HOMEZ: variants seen among roughly 807,000 people sequenced by gnomAD.
HOMEZ encodes homeobox and leucine zipper protein Homez.
Under a neutral mutation model 50.1 loss-of-function variants are expected in HOMEZ, and 20 were observed. The ratio of observed to expected loss-of-function variants is 0.40; its 90% CI spans 0.28 to 0.58. HOMEZ has a LOEUF of 0.58. Among genes scored for constraint, HOMEZ ranks in the 20% least tolerant of loss-of-function variants. The pLI is 0.46. For missense variants in HOMEZ, 579 were observed against 680.5 expected, an observed-to-expected ratio of 0.85 and a Z score of 1.66; for synonymous variants, 239 against 254.7, an observed-to-expected ratio of 0.94 and a Z score of 0.59.
chr14:23,281,170 A>T (rs535593187), intron 1 of HOMEZ, among the ~76,000 whole-genome samples: 2 of 152,296 alleles, frequency 1.3e-5, no homozygotes, highest in South Asian at 2.1e-4. Flanking sequence ...CCTCAAGTCC[A>T]TACATTTAGA....
At chr14:23,280,750 T>TTTATTTTATTTTATTTTA (rs1566451243) in intron 1 of HOMEZ, among the ~76,000 whole-genome samples, 9 of 87,296 alleles carry the variant, frequency 1.0e-4, no homozygotes, top group Non-Finnish European at 1.9e-4. Flanking sequence ...ATTATTTTAT[T>TTTATTTTATTTTATTTTA]TTATTTTATT....
intron 1 of HOMEZ, among the ~76,000 whole-genome samples, chr14:23,277,991 G>A (rs1399957004): frequency 1.3e-5 from 2 of 151,816 alleles, no homozygotes; most frequent in Non-Finnish European, 2.9e-5. Context: ...ACCACGCCCG[G>A]CTACTTTTTG....
chr14:23,280,732 T>TA (rs1462188573), intron 1 of HOMEZ, among the ~76,000 whole-genome samples: 1 of 77,722 alleles, frequency 1.3e-5, no homozygotes, highest in Non-Finnish European at 2.5e-5. Context: ...TTTATTTTAT[T>TA]TTATTTTATT....
At position 23,277,153 on chromosome 14, in the gene HOMEZ, C is replaced by G. The variant is rs753076017; in HGVS notation, c.75G>C (p.Met25Ile). 3 of 1,604,186 alleles carry G rather than the reference C, an allele frequency of 1.9e-6. No individual in the cohort carries two copies. The highest frequency in any genetic ancestry group is 2.2e-5 in the East Asian group (1 of 44,646). ...ISEGHKSEGT[M>I]PPNKEASGLS... ...GACCGCTGGCCTCTTTATTAGGAGG[C>G]ATGGTGCCTTCTGATTTGTGCCCTT... Residue 25 changes from methionine (M) to isoleucine (I), a missense_variant, in exon 2 of 2, where the codon ATG becomes ATC. By Grantham distance (10) the Met-to-Ile change is conservative (BLOSUM62 1). Transcript: ENST00000357460.
chr14:23,273,703 C>G lies in HOMEZ; in HGVS notation c.*1872G>C, dbSNP rs1016312085. ...AATGATCTTGTATCTGAACTAGGAT[C>G]CCCATACCCTTTCTGGTACTCTGAA... On this transcript the variant is annotated 3_prime_UTR_variant, in exon 2 of 2. Transcript: ENST00000357460. 1.3e-5 allele frequency: 2 copies of G among 152,194 alleles called. No individual in the cohort carries two copies. The highest frequency in any genetic ancestry group is 4.8e-5 in the African/African-American group (2 of 41,452). 9.4% of individuals were successfully genotyped at this position (152,194 alleles called of 1,614,324 possible). A position where few individuals can be genotyped will look rare whatever the true frequency, so the allele number is the denominator to read the frequency against.
chr14:23,285,790 AAGAG>A (rs980105100), intron 1 of HOMEZ, 119 bp downstream of exon 1: 15 of 512,208 alleles, frequency 2.9e-5, no homozygotes, highest in African/African-American at 2.6e-4. Flanking sequence ...GAGGAGAAAA[AAGAG>A]AGAACCGGGC....
At position 23,276,450 on chromosome 14, in the gene HOMEZ, G is replaced by T. The variant is rs774260897; in HGVS notation, c.778C>A (p.Arg260=). 2 of 1,614,074 alleles carry T rather than the reference G, an allele frequency of 1.2e-6. No individual in the cohort carries two copies. Among genetic ancestry groups the T allele is most frequent in the South Asian group, 1.1e-5 (1 of 91,092 alleles). ...HSTTVPQPQA[R]DKPPPIALIA... ...AATGCAATTGGTGGGGGTTTATCCC[G>T]AGCTTGTGGCTGGGGGACGGTTGTG... Residue 260 remains arginine, a synonymous_variant, in exon 2 of 2, where the codon CGG becomes AGG. Coordinates refer to ENST00000357460, the MANE Select transcript of HOMEZ (RefSeq NM_020834.3). The surrounding 1 kb of genome is among the most constrained non-coding windows in gnomAD (Gnocchi z 4.1).
intron 1 of HOMEZ, among the ~76,000 whole-genome samples, chr14:23,284,462 T>C (rs550982509): frequency 6.6e-6 from 1 of 152,362 alleles, no homozygotes; most frequent in African/African-American, 2.4e-5. Flanking sequence ...AGTAGGCTGC[T>C]ACTAGTGCGC....
In HOMEZ at chr14:23,273,071, G is replaced by T; in HGVS notation, c.*2504C>A. 2.4e-6 allele frequency: 1 copy of T among 413,280 alleles called. No homozygotes were observed. Among genetic ancestry groups the T allele is most frequent in the Non-Finnish European group, 4.3e-6 (1 of 232,976 alleles). The allele number at this position is 413,280 out of a possible 1,614,324, so 25.6% of individuals were successfully genotyped here. Reference sequence around the variant, plus strand: ...TTATCACCTCCCAGGACAGTGGTCAGGTCTTACAAAAGGCTAGTGCTTCAG... The same window carrying T: ...TTATCACCTCCCAGGACAGTGGTCATGTCTTACAAAAGGCTAGTGCTTCAG... On this transcript the variant is annotated 3_prime_UTR_variant, in exon 2 of 2. Transcript: ENST00000357460.
chr14:23,285,693 G>A (rs1023924251), intron 1 of HOMEZ: 3 of 396,868 alleles, frequency 7.6e-6, no homozygotes, highest in African/African-American at 6.2e-5. Flanking sequence ...CTCTCGCCAA[G>A]GGCGCCCCAA....
chr14:23,275,658 G>C lies in HOMEZ; in HGVS notation c.1570C>G (p.Leu524Val). Residue 524 changes from leucine (L) to valine (V), a missense_variant, in exon 2 of 2, where the codon CTG becomes GTG. Physicochemically the swap from Leu to Val is conservative, Grantham distance 32. Coordinates refer to ENST00000357460, the MANE Select transcript of HOMEZ (RefSeq NM_020834.3). ...TCCTCTTCCTCATCATCTTCTGGCAGTTCTTCCTCCTCCTCTTCCTCTTCT... is the reference window on the plus strand; with the variant it reads ...TCCTCTTCCTCATCATCTTCTGGCACTTCTTCCTCCTCCTCTTCCTCTTCT... ...DEEEEEEEEE[L>V]PEDDEEEEEE... 1 of 1,569,240 alleles carries C rather than the reference G, an allele frequency of 6.4e-7. No individual in the cohort carries two copies. Among genetic ancestry groups the C allele is most frequent in the African/African-American group, 1.4e-5 (1 of 73,746 alleles).
Position 23,272,917 on chromosome 14 carries a change from ATGC to A in HOMEZ, c.*2655_*2657del. On this transcript the variant is annotated 3_prime_UTR_variant, in exon 2 of 2. Coordinates refer to ENST00000357460, the MANE Select transcript of HOMEZ (RefSeq NM_020834.3). ...ATCATCTTCAAGATCTGATCTATAC[ATGC>A]TGCTGAAGGATGGACTGTAGCTTCC... 1.4e-6 allele frequency: 2 copies of A among 1,379,364 alleles called. No homozygotes were observed. The highest frequency in any genetic ancestry group is 2.0e-6 in the Non-Finnish European group (2 of 1,006,038). The allele number at this position is 1,379,364 out of a possible 1,614,324, so 85.4% of individuals were successfully genotyped here.
In HOMEZ at chr14:23,276,994, G is replaced by T; in HGVS notation, c.234C>A (p.Pro78=). The T allele has an allele frequency of 6.2e-7, 1 of 1,614,046 alleles. No individual in the cohort carries two copies. Residue 78 remains proline (P), a synonymous_variant, in exon 2 of 2, where the codon CCC becomes CCA. Coordinates refer to ENST00000357460, the MANE Select transcript of HOMEZ (RefSeq NM_020834.3). This position sits in a 1 kb window ranked among gnomAD's most constrained non-coding sequence, Gnocchi z 4.1. ...GGGCAATGTCTGCTAGGCTGGGATA[G>T]GGAAAGTAGCTGAAGGTTTTGAGCA... ...EHLLKTFSYF[P]YPSLADIALL...
rs1468319243 is a variant in HOMEZ at position 23,275,679 on chromosome 14, C to T, written c.1549G>A (p.Glu517Lys). Residue 517 changes from glutamate to lysine, a missense_variant, in exon 2 of 2, where the codon GAG becomes AAG. Coordinates refer to ENST00000357460, the MANE Select transcript of HOMEZ (RefSeq NM_020834.3). Reference protein sequence around the residue: ...AEVVVCLDEEEEEEEEELPED... With the variant: ...AEVVVCLDEEKEEEEEELPED... ...GGCAGTTCTTCCTCCTCCTCTTCCT[C>T]TTCTTCATCTAGACAAACTACCACC... 6.3e-7 allele frequency: 1 copy of T among 1,587,800 alleles called. No homozygotes were observed. The highest frequency in any genetic ancestry group is 8.6e-7 in the Non-Finnish European group (1 of 1,166,456).
Position 23,275,713 on chromosome 14 carries a change from C to G in HOMEZ, c.1515G>C (p.Gln505His). Residue 505 changes from glutamine (Q) to histidine (H), a missense_variant, in exon 2 of 2, where the codon CAG becomes CAC. Coordinates refer to ENST00000357460, the MANE Select transcript of HOMEZ (RefSeq NM_020834.3). ...CTAGACAAACTACCACCTCAGCTGG[C>G]TGAGGTAATCGAGAGTCAAACCAAT... is the stretch of plus-strand genomic sequence containing the variant. The part of the protein sequence containing the change: ...VLDWFDSRLP[Q>H]PAEVVVCLDE... The G allele has an allele frequency of 6.2e-7, 1 of 1,609,558 alleles. No individual in the cohort carries two copies. Among genetic ancestry groups the G allele is most frequent in the South Asian group, 1.1e-5 (1 of 90,460 alleles).
At chr14:23,277,613 G>A (rs923825681) in intron 1 of HOMEZ, among the ~76,000 whole-genome samples, 1 of 152,126 alleles carries the variant, frequency 6.6e-6, no homozygotes, top group African/African-American at 2.4e-5. Flanking sequence ...GGGCATGGTG[G>A]TTCGTGCCTG....
intron 1 of HOMEZ, among the ~76,000 whole-genome samples, chr14:23,280,421 C>T (rs1886463988): frequency 6.6e-6 from 1 of 152,128 alleles, no homozygotes; most frequent in Non-Finnish European, 1.5e-5. Flanking sequence ...TTCAGCCCAG[C>T]TTTCTCCTCA....
At position 23,272,991 on chromosome 14, in the gene HOMEZ, G is replaced by A; in HGVS notation, c.*2584C>T. ...GCCCTGGAAAATGTATCCCTGCATT[G>A]TTTCCTAGTTTCACTCTGTACCTTA... On this transcript the variant is annotated 3_prime_UTR_variant, in exon 2 of 2. Transcript: ENST00000357460. 1 of 654,832 alleles carries A rather than the reference G, an allele frequency of 1.5e-6. No individual in the cohort carries two copies. Among genetic ancestry groups the A allele is most frequent in the Non-Finnish European group, 2.6e-6 (1 of 387,724 alleles). 40.6% of individuals were successfully genotyped at this position (654,832 alleles called of 1,614,324 possible).
chr14:23,278,606 C>A (rs1886419674), intron 1 of HOMEZ, among the ~76,000 whole-genome samples: 1 of 152,150 alleles, frequency 6.6e-6, no homozygotes, highest in African/African-American at 2.4e-5. Context: ...TCAAGTGATC[C>A]TCCCACCTCA....
Sources: gnomAD v4.1 joint callset for allele counts (sites outside exome capture counted in the v4.1 genomes callset) on GRCh38, gnomAD v4.1.1 for gene constraint, Gnocchi (gnomAD v3.1) non-coding constraint, MANE v1.5 for transcripts, NCBI Gene and HGNC (gene_info 2026-07-23, HGNC 2026-07-21) for gene names.